The following PPP3CA variants were observed in gnomAD, a reference collection of about 807,000 sequenced individuals.
PPP3CA encodes the protein CAM-PRP catalytic subunit.
Under a neutral mutation model 66.5 loss-of-function variants are expected in PPP3CA, and 14 were observed. The ratio of observed to expected loss-of-function variants is 0.21; its 90% CI spans 0.14 to 0.33. The LOEUF (loss-of-function observed/expected upper bound fraction) is 0.33. Among genes scored for constraint, PPP3CA ranks in the 10% least tolerant of loss-of-function variants. PPP3CA has a pLI of 1.00. For missense variants in PPP3CA, 317 were observed against 639.5 expected (o/e 0.50, Z 5.44); for synonymous variants, 232 against 226.2 (o/e 1.03, Z -0.23).
intron 11 of PPP3CA, 110 bp downstream of exon 11, chr4:101,040,372 G>C: frequency 1.3e-6 from 1 of 753,310 alleles, no homozygotes; most frequent in African/African-American, 1.8e-5. Context: ...AGGAAAAAAA[G>C]ACAAATATTC....
chr4:101,196,507 G>T (rs1012428488), intron 1 of PPP3CA, among the ~76,000 whole-genome samples: 3 of 152,228 alleles, frequency 2.0e-5, no homozygotes, highest in Non-Finnish European at 4.4e-5. Flanking sequence ...TAGAAAACAG[G>T]CTCCTCTACT....
At chr4:101,329,163 G>T (rs373783305) in intron 1 of PPP3CA, among the ~76,000 whole-genome samples, 2 of 152,118 alleles carry the variant, frequency 1.3e-5, no homozygotes, top group Non-Finnish European at 2.9e-5. Context: ...GTTCTTCAAA[G>T]AAATTAAAGG....
intron 1 of PPP3CA, among the ~76,000 whole-genome samples, chr4:101,261,581 G>GA (rs1039042938): frequency 5.9e-5 from 9 of 151,362 alleles, no homozygotes; most frequent in South Asian, 4.2e-4. Context: ...AAATCAGTCT[G>GA]AAAAAAAATA....
intron 2 of PPP3CA, among the ~76,000 whole-genome samples, chr4:101,166,945 A>G (rs1336160263): frequency 6.6e-6 from 1 of 152,206 alleles, no homozygotes; most frequent in Non-Finnish European, 1.5e-5. Context: ...CTGAAACAAC[A>G]GCACACAGCC....
intron 2 of PPP3CA, among the ~76,000 whole-genome samples, chr4:101,166,474 T>C (rs2110311385): frequency 6.6e-6 from 1 of 152,274 alleles, no homozygotes; most frequent in Admixed American, 6.5e-5. Flanking sequence ...TCCTGAATAT[T>C]TTATCTCCCT....
intron 8 of PPP3CA, among the ~76,000 whole-genome samples, chr4:101,073,857 TAGAA>T (rs1729030519): frequency 6.6e-6 from 1 of 152,196 alleles, no homozygotes. Context: ...CTACAATTAC[TAGAA>T]AGTACCAAAT....
intron 1 of PPP3CA, among the ~76,000 whole-genome samples, chr4:101,249,084 C>G (rs1248262815): frequency 6.6e-6 from 1 of 151,598 alleles, no homozygotes; most frequent in African/African-American, 2.4e-5. Context: ...GGCGTGAACC[C>G]GGGAAGCGGA....
chr4:101,208,711 T>C (rs756365154), intron 1 of PPP3CA, among the ~76,000 whole-genome samples: 8 of 152,240 alleles, frequency 5.3e-5, no homozygotes, highest in South Asian at 2.1e-4. Flanking sequence ...ACATGTCTTA[T>C]GTGATTTCAG....
In PPP3CA at chr4:101,337,998, CTCTGT is replaced by C. The variant is rs1729691816; in HGVS notation, c.58+8736_58+8740del. Reference sequence around the variant, plus strand: ...ATCGGGGTGTACAGTATGTTTTAATCTCTGTTCTAATTCCTAATCTTATACATTTT... The same window carrying C: ...ATCGGGGTGTACAGTATGTTTTAATCTCTAATTCCTAATCTTATACATTTT... On this transcript the variant is annotated intron_variant, in intron 1 of 13. Coordinates refer to ENST00000394854, the MANE Select transcript of PPP3CA (RefSeq NM_000944.5). 2.6e-5 allele frequency among the ~76,000 whole-genome samples: 4 copies of C among 152,174 alleles called. 1 individual carries two copies. The highest frequency in any genetic ancestry group is 2.6e-4 in the Admixed American group (4 of 15,278).
chr4:101,098,253 T>G (rs1034481648), intron 5 of PPP3CA, 114 bp downstream of exon 5: 10 of 1,201,522 alleles, frequency 8.3e-6, no homozygotes, highest in Non-Finnish European at 1.0e-5. Flanking sequence ...ATGACCACTT[T>G]AAATTATTTG....
intron 1 of PPP3CA, among the ~76,000 whole-genome samples, chr4:101,278,533 C>T (rs1373261469): frequency 1.3e-5 from 2 of 152,182 alleles, no homozygotes; most frequent in African/African-American, 4.8e-5. Context: ...GACTCTTGCT[C>T]TGCTATAAAG....
chr4:101,204,461 C>G lies in PPP3CA; in HGVS notation c.59-8345G>C, dbSNP rs181423045. On this transcript the variant is annotated intron_variant, in intron 1 of 13. Coordinates refer to ENST00000394854, the MANE Select transcript of PPP3CA (RefSeq NM_000944.5). ...ACCATCCTGGCTAACACGGTGAAAC[C>G]CCATCTCTACTAAAAATACAAAAAA... Among the ~76,000 whole-genome samples the G allele has an allele frequency of 2.4e-3, 359 of 151,958 alleles. 1 individual carries two copies. Among genetic ancestry groups the G allele is most frequent in the African/African-American group, 8.4e-3 (348 of 41,464 alleles).
intron 2 of PPP3CA, among the ~76,000 whole-genome samples, chr4:101,189,694 A>T (rs575609489): frequency 6.6e-6 from 1 of 151,106 alleles, no homozygotes; most frequent in South Asian, 2.1e-4. Flanking sequence ...CGGCAAAAAA[A>T]AAAAAAAAAA....
chr4:101,176,697 C>G (rs963427670), intron 2 of PPP3CA, among the ~76,000 whole-genome samples: 1 of 152,084 alleles, frequency 6.6e-6, no homozygotes, highest in Non-Finnish European at 1.5e-5. Context: ...AAATGACTAA[C>G]CCTTGAGAAC....
chr4:101,288,566 C>T lies in PPP3CA; in HGVS notation c.58+58173G>A, dbSNP rs767489848. Among the ~76,000 whole-genome samples, 10 of 144,284 alleles carry T rather than the reference C, an allele frequency of 6.9e-5. No individual in the cohort carries two copies. In the Admixed American group the frequency reaches 7.0e-4, roughly 10 times the overall value. 94.7% of individuals were successfully genotyped at this position (144,284 alleles called of 152,430 possible). ...GGAGCGGGAGGGGGAGGGGAGTGGT[C>T]GGAGGAGGGGATAAGAGGGAACAAC... On this transcript the variant is annotated intron_variant, in intron 1 of 13. Coordinates refer to ENST00000394854, the MANE Select transcript of PPP3CA (RefSeq NM_000944.5).
At chr4:101,221,980 T>C (rs1725640047) in intron 1 of PPP3CA, among the ~76,000 whole-genome samples, 1 of 151,672 alleles carries the variant, frequency 6.6e-6, no homozygotes, top group Admixed American at 6.6e-5. Context: ...CAGTAAGAGA[T>C]ATCTAACAAA....
chr4:101,217,093 A>G (rs1323263971), intron 1 of PPP3CA, among the ~76,000 whole-genome samples: 2 of 152,134 alleles, frequency 1.3e-5, no homozygotes, highest in African/African-American at 4.8e-5. Flanking sequence ...AAACTTCTAA[A>G]ATTTGTTGAA....
chr4:101,166,630 T>C (rs967590967), intron 2 of PPP3CA, among the ~76,000 whole-genome samples: 2 of 152,192 alleles, frequency 1.3e-5, no homozygotes, highest in African/African-American at 4.8e-5. Context: ...AGTTTATTTC[T>C]GGAGAGAACA....
At chr4:101,297,693 T>C (rs1728240446) in intron 1 of PPP3CA, among the ~76,000 whole-genome samples, 1 of 152,142 alleles carries the variant, frequency 6.6e-6, no homozygotes, top group South Asian at 2.1e-4. Context: ...TACAGGCCTT[T>C]TTCCCTACTT....
Sources: gnomAD v4.1 joint callset for allele counts (sites outside exome capture counted in the v4.1 genomes callset) on GRCh38, gnomAD v4.1.1 for gene constraint, MANE v1.5 for transcripts, NCBI Gene and HGNC (gene_info 2026-07-23, HGNC 2026-07-21) for gene names.